Variants in PUS7 observed in about 807,000 individuals in gnomAD.
PUS7 encodes the protein pseudouridine synthase 7, also known as pseudouridylate synthase 7 homolog.
PUS7 carries 48 observed loss-of-function variants against 79.8 expected under a neutral mutation model. That is an observed-to-expected ratio of 0.60 (90% CI 0.48 to 0.76). The LOEUF is 0.76. Ranked by LOEUF, PUS7 falls within the 30% of genes least tolerant of loss-of-function variation. The pLI, the probability that PUS7 is intolerant of heterozygous loss-of-function variation, is 0.00. For missense variants in PUS7, 729 were observed against 797.6 expected (o/e 0.91, Z 1.04); for synonymous variants, 286 against 272.2 (o/e 1.05, Z -0.50).
chr7:105,513,405 C>T (rs973395225), intron 1 of PUS7, among the ~76,000 whole-genome samples: 1 of 152,208 alleles, frequency 6.6e-6, no homozygotes, highest in Non-Finnish European at 1.5e-5. Context: ...CTAGGTTTTG[C>T]CATTTACTAA....
At chr7:105,504,800 A>C (rs750837991) in intron 4 of PUS7, among the ~76,000 whole-genome samples, 1 of 152,162 alleles carries the variant, frequency 6.6e-6, no homozygotes, top group Non-Finnish European at 1.5e-5. Flanking sequence ...TTTTGTCTAA[A>C]GATTTTTTCA....
rs891741321 is a variant in PUS7, at chr7:105,522,225, G to A, written c.-206C>T. ...GATGCGCTCCAGCCGACTCACCGGC[G>A]GCCGGGCTCGCACACGTGCGGCGCA... is the stretch of plus-strand genomic sequence containing the variant. On this transcript the variant is annotated 5_prime_UTR_variant, in exon 1 of 16. Coordinates refer to ENST00000469408, the MANE Select transcript of PUS7 (RefSeq NM_019042.5). 2.0e-5 allele frequency: 3 copies of A among 151,798 alleles called. No homozygotes were observed. The highest frequency in any genetic ancestry group is 7.2e-5 in the African/African-American group (3 of 41,392). The allele number at this position is 151,798 out of a possible 1,614,324, so 9.4% of individuals were successfully genotyped here. A position where few individuals can be genotyped will look rare whatever the true frequency, so the allele number is the denominator to read the frequency against.
At chr7:105,466,740 G>T (rs1184322248) in intron 12 of PUS7, among the ~76,000 whole-genome samples, 5 of 149,066 alleles carry the variant, frequency 3.4e-5, no homozygotes, top group Non-Finnish European at 3.0e-5. Context: ...GATGCATTTT[G>T]CTGGGAAAAA....
rs79712004 is a variant in PUS7 at position 105,461,743 on chromosome 7, C to T, written c.1757+878G>A. ...ATCACAGAATGTACTTACACAAACA[C>T]AGATGGTATAGCCTACTACACGCCT... On this transcript the variant is annotated intron_variant, in intron 14 of 15. Coordinates refer to ENST00000469408, the MANE Select transcript of PUS7 (RefSeq NM_019042.5). Among the ~76,000 whole-genome samples the T allele has an allele frequency of 9.1e-3, 1,386 of 152,318 alleles. 12 individuals carry two copies. Among genetic ancestry groups the T allele is most frequent in the Non-Finnish European group, 0.013 (914 of 68,034 alleles).
intron 13 of PUS7, among the ~76,000 whole-genome samples, chr7:105,463,502 C>T (rs892073292): frequency 2.0e-5 from 3 of 152,200 alleles, no homozygotes; most frequent in Non-Finnish European, 4.4e-5. Flanking sequence ...CCCAGGGTAA[C>T]AGGCTCACAT....
chr7:105,502,217 T>G (rs556439907), intron 5 of PUS7, among the ~76,000 whole-genome samples: 1 of 152,268 alleles, frequency 6.6e-6, no homozygotes, highest in East Asian at 1.9e-4. Context: ...ATAAAAGACC[T>G]AATGCCCCTT....
chr7:105,482,363 T>G lies in PUS7; in HGVS notation c.998A>C (p.Asn333Thr), dbSNP rs780683591. 6.2e-7 allele frequency: 1 copy of G among 1,611,568 alleles called. No individual in the cohort carries two copies. The highest frequency in any genetic ancestry group is 1.1e-5 in the South Asian group (1 of 90,988). Residue 333 changes from asparagine (N) to threonine (T), a missense_variant, in exon 8 of 16, where the codon AAC becomes ACC. Transcript: ENST00000469408. Reference sequence around the variant, plus strand: ...TTGAAGCTCTCCCAATTTCAGTGGGTTTTTTTGATAGCTGAAATTCCCTAG... The same window carrying G: ...TTGAAGCTCTCCCAATTTCAGTGGGGTTTTTTGATAGCTGAAATTCCCTAG... ...FKLGNFSYQKNPLKLGELQGN... is the reference protein window; with the variant it reads ...FKLGNFSYQKTPLKLGELQGN...
intron 11 of PUS7, among the ~76,000 whole-genome samples, chr7:105,469,195 G>A (rs1823777848): frequency 6.6e-6 from 1 of 151,780 alleles, no homozygotes; most frequent in Non-Finnish European, 1.5e-5. Flanking sequence ...CTGAGCCACT[G>A]CACCCAGCCA....
In PUS7 at chr7:105,473,331, C is replaced by T. The variant is rs149024641; in HGVS notation, c.1176-1138G>A. Among the ~76,000 whole-genome samples, 164 of 152,228 alleles carry T rather than the reference C, an allele frequency of 1.1e-3. 3 individuals are homozygous for T. Among genetic ancestry groups the T allele is most frequent in the African/African-American group, 3.8e-3 (156 of 41,530 alleles). ...GTGGCATGATCTTGGCTCGCTGCAA[C>T]CTCTGCCTCTTGGGCTTAAGCAATT... On this transcript the variant is annotated intron_variant, in intron 9 of 15. Coordinates refer to ENST00000469408, the MANE Select transcript of PUS7 (RefSeq NM_019042.5).
chr7:105,500,691 C>T (rs763879526), intron 5 of PUS7, among the ~76,000 whole-genome samples: 11 of 152,126 alleles, frequency 7.2e-5, no homozygotes, highest in Non-Finnish European at 1.3e-4. Flanking sequence ...CCAAGTGCCC[C>T]AAGGCATGGC....
chr7:105,458,351 C>G (rs112833483), intron 15 of PUS7, among the ~76,000 whole-genome samples: 12,331 of 151,692 alleles, frequency 0.081, 541 homozygotes, highest in South Asian at 0.17. Context: ...GCCTCCACCT[C>G]CCGGGTTGAA....
intron 13 of PUS7, 129 bp from the exon 14 acceptor site, chr7:105,462,879 T>G (rs1823493251): frequency 1.2e-6 from 1 of 856,204 alleles, no homozygotes; most frequent in Non-Finnish European, 1.8e-6. Context: ...CCTTAATTTA[T>G]AATCCAAAAT....
intron 2 of PUS7, 94 bp from the exon 3 acceptor site, chr7:105,506,367 G>A: frequency 1.2e-6 from 1 of 831,736 alleles, no homozygotes; most frequent in Non-Finnish European, 1.9e-6. Context: ...TTACTATTAT[G>A]CAAAACAAGG....
chr7:105,505,867 A>G, intron 4 of PUS7, 88 bp downstream of exon 4: 1 of 1,053,278 alleles, frequency 9.5e-7, no homozygotes. Flanking sequence ...TTTGTTAACC[A>G]TTGTAATTTT....
intron 11 of PUS7, among the ~76,000 whole-genome samples, chr7:105,470,017 C>T (rs1254215406): frequency 1.3e-5 from 2 of 152,220 alleles, no homozygotes; most frequent in Non-Finnish European, 2.9e-5. Context: ...AGTCTTCAAA[C>T]TTAAGGAATT....
intron 2 of PUS7, among the ~76,000 whole-genome samples, chr7:105,507,726 T>C (rs960994204): frequency 6.0e-5 from 9 of 150,576 alleles, no homozygotes; most frequent in Admixed American, 4.0e-4. Context: ...ATTTTTAGTA[T>C]AGATGTGCTT....
chr7:105,457,282 A>G lies in PUS7; in HGVS notation c.*508T>C, dbSNP rs1823226929. 6.6e-6 allele frequency: 1 copy of G among 152,216 alleles called. No individual in the cohort carries two copies. The highest frequency in any genetic ancestry group is 2.4e-5 in the African/African-American group (1 of 41,444). 9.4% of individuals were successfully genotyped at this position (152,216 alleles called of 1,614,324 possible). A position where few individuals can be genotyped will look rare whatever the true frequency, so the allele number is the denominator to read the frequency against. On this transcript the variant is annotated 3_prime_UTR_variant, in exon 16 of 16. Coordinates refer to ENST00000469408, the MANE Select transcript of PUS7 (RefSeq NM_019042.5). ...GTACATAAGCAGGATAATGACAATCACTTTTTGTTTATAAATTTGTAGATG... is the reference window on the plus strand; with the variant it reads ...GTACATAAGCAGGATAATGACAATCGCTTTTTGTTTATAAATTTGTAGATG...
chr7:105,509,204 A>AAAAAAAAAAAAAAAAAAAAAT (rs1399466456), intron 1 of PUS7, among the ~76,000 whole-genome samples: 1 of 149,164 alleles, frequency 6.7e-6, no homozygotes, highest in African/African-American at 2.5e-5. Flanking sequence ...AAAAAAAAAA[A>AAAAAAAAAAAAAAAAAAAAAT]AAAAAAAGGA....
intron 5 of PUS7, among the ~76,000 whole-genome samples, chr7:105,496,184 T>TAC (rs67218522): frequency 0.022 from 1,502 of 68,412 alleles, 10 homozygotes; most frequent in Non-Finnish European, 0.028. Flanking sequence ...TATGCATATC[T>TAC]ACACACACAC....
Sources: allele counts gnomAD v4.1 joint callset (sites outside exome capture counted in the v4.1 genomes callset), GRCh38; gene constraint gnomAD v4.1.1; transcripts MANE v1.5; gene names NCBI Gene and HGNC (gene_info 2026-07-23, HGNC 2026-07-21).